The following ABCA5 variants were observed in gnomAD, a reference collection of about 807,000 sequenced individuals.
ABCA5 encodes the protein ATP binding cassette subfamily A member 5.
Under a neutral mutation model 206.0 loss-of-function variants are expected in ABCA5, and 163 were observed. The ratio of observed to expected loss-of-function variants is 0.79; its 90% CI spans 0.70 to 0.90. The LOEUF (loss-of-function observed/expected upper bound fraction) is 0.90. Among genes scored for constraint, ABCA5 ranks in the 40% least tolerant of loss-of-function variants. The pLI is 0.00. For missense variants in ABCA5, 1,859 were observed against 1,912.9 expected (o/e 0.97, Z 0.53); for synonymous variants, 609 against 613.8 (o/e 0.99, Z 0.11).
intron 3 of ABCA5, among the ~76,000 whole-genome samples, chr17:69,311,030 C>A (rs1335076766): frequency 1.3e-5 from 2 of 152,020 alleles, no homozygotes; most frequent in Non-Finnish European, 2.9e-5. Context: ...CCTGTCTCTA[C>A]AAAAAATACA....
intron 24 of ABCA5, among the ~76,000 whole-genome samples, chr17:69,262,382 C>T (rs529857437): frequency 4.1e-4 from 63 of 152,194 alleles, no homozygotes; most frequent in Non-Finnish European, 7.6e-4. Context: ...CCTTGCTCCC[C>T]TTCCTCCTGC....
intron 31 of ABCA5, 26 bp downstream of exon 31, chr17:69,255,517 A>G (rs372861768): frequency 2.5e-4 from 335 of 1,321,628 alleles, no homozygotes; most frequent in Non-Finnish European, 3.2e-4. Flanking sequence ...CACATTCAAC[A>G]TATCCTATAC....
At chr17:69,279,545 A>G (rs1410649247) in intron 18 of ABCA5, among the ~76,000 whole-genome samples, 1 of 151,584 alleles carries the variant, frequency 6.6e-6, no homozygotes, top group Non-Finnish European at 1.5e-5. Flanking sequence ...TAAAGTTCAT[A>G]TGGAACCAAA....
chr17:69,321,181 T>G (rs1481144607), intron 1 of ABCA5, among the ~76,000 whole-genome samples: 1 of 152,056 alleles, frequency 6.6e-6, no homozygotes, highest in Non-Finnish European at 1.5e-5. Context: ...GGCAGTACTT[T>G]TCTATATTGA....
At position 69,289,183 on chromosome 17, in the gene ABCA5, G is replaced by A; in HGVS notation, c.1896C>T (p.Asn632=). 6.3e-7 allele frequency: 1 copy of A among 1,596,700 alleles called. No homozygotes were observed. The highest frequency in any genetic ancestry group is 8.5e-7 in the Non-Finnish European group (1 of 1,174,856). Residue 632 remains asparagine, a synonymous_variant, in exon 14 of 39, where the codon AAC becomes AAT. Transcript: ENST00000392676. ...AAAAGTAATATTTATTTACCTTTGG[G>A]TTCCCAAGAACAGCAATTCCTAATG... The part of the protein sequence containing the change: ...KLSLGIAVLG[N]PKILLLDEPT...
chr17:69,246,749 T>C lies in ABCA5; in HGVS notation c.*788A>G, dbSNP rs1322780673. On this transcript the variant is annotated 3_prime_UTR_variant, in exon 39 of 39. Coordinates refer to ENST00000392676, the MANE Select transcript of ABCA5 (RefSeq NM_172232.4). Reference sequence around the variant, plus strand: ...GTTCCAAGAGTGATGAAGGAAAAGGTATGGCTTAATTCTACCACCTCCATA... The same window carrying C: ...GTTCCAAGAGTGATGAAGGAAAAGGCATGGCTTAATTCTACCACCTCCATA... The C allele has an allele frequency of 4.6e-5, 7 of 151,932 alleles. No homozygotes were observed. The South Asian group carries it at 1.4e-3, about 31-fold the overall frequency. The allele number at this position is 151,932 out of a possible 1,614,324, so 9.4% of individuals were successfully genotyped here.
At chr17:69,296,713 C>T (rs1455124975) in intron 10 of ABCA5, among the ~76,000 whole-genome samples, 4 of 152,134 alleles carry the variant, frequency 2.6e-5, no homozygotes, top group Non-Finnish European at 5.9e-5. Flanking sequence ...GCCTGTAATC[C>T]CAGCACTTTG....
chr17:69,249,756 C>T (rs1376682940), intron 37 of ABCA5, 149 bp downstream of exon 37: 1 of 1,103,926 alleles, frequency 9.1e-7, no homozygotes, highest in African/African-American at 1.6e-5. Flanking sequence ...CAGTTTTAAA[C>T]TTTTTAAATA....
intron 24 of ABCA5, among the ~76,000 whole-genome samples, chr17:69,263,194 T>C (rs2075168543): frequency 6.6e-6 from 1 of 152,238 alleles, no homozygotes; most frequent in South Asian, 2.1e-4. Flanking sequence ...CCATTTACTC[T>C]GTTGATAGTT....
At chr17:69,281,541 T>C (rs373331322) in intron 18 of ABCA5, among the ~76,000 whole-genome samples, 17 of 152,320 alleles carry the variant, frequency 1.1e-4, no homozygotes, top group African/African-American at 2.9e-4. Context: ...ATCACATACA[T>C]TAATTTTCAG....
chr17:69,294,777 C>A, intron 10 of ABCA5, 64 bp from the exon 11 acceptor site: 1 of 1,061,618 alleles, frequency 9.4e-7, no homozygotes, highest in Non-Finnish European at 1.4e-6. Context: ...TGTTTATTTA[C>A]CATGCATATT....
chr17:69,295,066 T>C (rs1185211545), intron 10 of ABCA5, among the ~76,000 whole-genome samples: 2 of 152,168 alleles, frequency 1.3e-5, no homozygotes, highest in Non-Finnish European at 2.9e-5. Flanking sequence ...TTAAACACTG[T>C]ATTTTTATGA....
At chr17:69,308,981 A>G (rs925116252) in intron 4 of ABCA5, among the ~76,000 whole-genome samples, 4 of 152,124 alleles carry the variant, frequency 2.6e-5, no homozygotes, top group African/African-American at 9.6e-5. Context: ...AGAGATTTAG[A>G]AAGTCATATA....
chr17:69,284,099 A>G (rs2075425948), intron 17 of ABCA5, 27 bp from the exon 18 acceptor site: 1 of 1,492,584 alleles, frequency 6.7e-7, no homozygotes, highest in Non-Finnish European at 9.0e-7. Context: ...AAAGAATAGT[A>G]TATCTTTAAG....
chr17:69,274,555 T>G (rs1047577198), intron 19 of ABCA5, among the ~76,000 whole-genome samples: 1 of 142,396 alleles, frequency 7.0e-6, no homozygotes, highest in Non-Finnish European at 1.5e-5. Flanking sequence ...TCTAGATAGT[T>G]AAAAGATAAT....
At chr17:69,298,403 T>C (rs2075615483) in intron 9 of ABCA5, among the ~76,000 whole-genome samples, 1 of 149,348 alleles carries the variant, frequency 6.7e-6, no homozygotes, top group Admixed American at 6.7e-5. Flanking sequence ...TGTTCCATTT[T>C]CTCCCTTTTC....
intron 3 of ABCA5, among the ~76,000 whole-genome samples, chr17:69,312,876 C>A (rs2075783152): frequency 6.6e-6 from 1 of 151,936 alleles, no homozygotes; most frequent in Admixed American, 6.6e-5. Context: ...TATAAAAGTA[C>A]ATAAAATATG....
chr17:69,282,168 T>C (rs1214090007), intron 18 of ABCA5, among the ~76,000 whole-genome samples: 1 of 152,234 alleles, frequency 6.6e-6, no homozygotes, highest in Non-Finnish European at 1.5e-5. Context: ...CCTCATCTTA[T>C]TCTTCACAGC....
rs181405611 is a variant in ABCA5, at chr17:69,244,833, T to C, written c.*2704A>G. 1.3e-5 allele frequency: 2 copies of C among 150,902 alleles called. No homozygotes were observed. Among genetic ancestry groups the C allele is most frequent in the Non-Finnish European group, 3.0e-5 (2 of 67,578 alleles). The allele number at this position is 150,902 out of a possible 1,614,324, so 9.3% of individuals were successfully genotyped here. On this transcript the variant is annotated 3_prime_UTR_variant, in exon 39 of 39. Coordinates refer to ENST00000392676, the MANE Select transcript of ABCA5 (RefSeq NM_172232.4). ...AATTAATTGTGCTCCTATAAAACGT[T>C]GTTAGTACTACTAGCAAAGGATTTG...
Sources: gnomAD v4.1 joint callset for allele counts (sites outside exome capture counted in the v4.1 genomes callset) on GRCh38, gnomAD v4.1.1 for gene constraint, MANE v1.5 for transcripts, NCBI Gene and HGNC (gene_info 2026-07-23, HGNC 2026-07-21) for gene names.